The following NOS1 variants were observed in gnomAD, a reference collection of about 807,000 sequenced individuals.
The protein encoded by NOS1 is NOS type I.
A neutral mutation model predicts 164.5 loss-of-function variants in NOS1; 51 were observed. That is an observed-to-expected ratio of 0.31 (90% CI 0.25 to 0.39). The LOEUF (loss-of-function observed/expected upper bound fraction) is 0.39. NOS1 is among the 10% of genes least tolerant of loss of function. The pLI is 1.00. For synonymous variants in NOS1, 719 were observed against 745.8 expected, an observed-to-expected ratio of 0.96 and a Z score of 0.59; for missense variants, 1,362 against 1,885.6, an observed-to-expected ratio of 0.72 and a Z score of 5.14.
At chr12:117,307,542 T>C (rs953209079) in intron 3 of NOS1, among the ~76,000 whole-genome samples, 2 of 151,406 alleles carry the variant, frequency 1.3e-5, no homozygotes, top group African/African-American at 2.4e-5. Context: ...TTATACTCTC[T>C]TTTTTGTAGA....
intron 9 of NOS1, among the ~76,000 whole-genome samples, chr12:117,276,697 ATT>A (rs1422853629): frequency 6.7e-6 from 1 of 149,546 alleles, no homozygotes; most frequent in Non-Finnish European, 1.5e-5. Flanking sequence ...TATTGTTTTC[ATT>A]TTTAGATCCT....
At chr12:117,360,839 G>T (rs577744393) in intron 1 of NOS1, among the ~76,000 whole-genome samples, 1 of 152,146 alleles carries the variant, frequency 6.6e-6, no homozygotes, top group South Asian at 2.1e-4. Context: ...CCCGCGGGAG[G>T]GTAGCGAGCT....
intron 24 of NOS1, among the ~76,000 whole-genome samples, chr12:117,226,060 CTA>C (rs372068425): frequency 1.3e-5 from 2 of 152,150 alleles, no homozygotes; most frequent in African/African-American, 4.8e-5. Flanking sequence ...GCTCAGGACT[CTA>C]TGTTTGAAAC....
intron 9 of NOS1, among the ~76,000 whole-genome samples, chr12:117,276,976 A>G (rs1873237071): frequency 6.6e-6 from 1 of 152,114 alleles, no homozygotes; most frequent in Admixed American, 6.5e-5. Context: ...CGATATACTG[A>G]TTTCCCTTCT....
chr12:117,355,355 A>T (rs1876808941), intron 1 of NOS1, among the ~76,000 whole-genome samples: 2 of 152,208 alleles, frequency 1.3e-5, no homozygotes, highest in African/African-American at 4.8e-5. Flanking sequence ...TCATAAATGC[A>T]ATTGATGGAT....
intron 13 of NOS1, among the ~76,000 whole-genome samples, chr12:117,263,480 C>T (rs1217053951): frequency 6.6e-6 from 1 of 151,034 alleles, no homozygotes; most frequent in African/African-American, 2.4e-5. Context: ...GGGAACAGAC[C>T]CTATCTCAAA....
At chr12:117,236,708 C>A (rs1343185852) in intron 20 of NOS1, among the ~76,000 whole-genome samples, 3 of 152,194 alleles carry the variant, frequency 2.0e-5, no homozygotes. Context: ...CTAAGTCTAC[C>A]CAAAGGAAGC....
chr12:117,360,049 G>A (rs1169757649), intron 1 of NOS1, among the ~76,000 whole-genome samples: 1 of 150,414 alleles, frequency 6.6e-6, no homozygotes, highest in East Asian at 2.0e-4. Context: ...TTTTACAGAT[G>A]AGAAACTGAG....
chr12:117,225,405 C>T (rs780604031), intron 24 of NOS1, among the ~76,000 whole-genome samples: 6 of 152,246 alleles, frequency 3.9e-5, no homozygotes, highest in African/African-American at 9.6e-5. Flanking sequence ...GGTATCTCTA[C>T]GCTGGCACCC....
chr12:117,247,568 AT>A (rs1314005408), intron 17 of NOS1, 46 bp from the exon 18 acceptor site: 1 of 1,546,160 alleles, frequency 6.5e-7, no homozygotes, highest in African/African-American at 1.4e-5. Flanking sequence ...ACTGTGGGGA[AT>A]GTGGGGAGTG....
intron 26 of NOS1, 34 bp from the exon 27 acceptor site, chr12:117,220,303 G>T (rs1453131329): frequency 6.4e-7 from 1 of 1,563,930 alleles, no homozygotes; most frequent in South Asian, 1.2e-5. Context: ...GAAGGGGCTG[G>T]GCTGTGCAAC....
In NOS1 at chr12:117,212,958, T is replaced by A; in HGVS notation, c.*2351A>T. On this transcript the variant is annotated 3_prime_UTR_variant, in exon 29 of 29. Coordinates refer to ENST00000317775, the MANE Select transcript of NOS1 (RefSeq NM_000620.5). The stretch of plus-strand genomic sequence containing the variant: ...GCAGCTTGTGTTGGGGATTGAAAGG[T>A]GTTTACTTAAAAAAAAATCTTTCTG... 1.0e-6 allele frequency: 1 copy of A among 985,192 alleles called. No individual in the cohort carries two copies. 61.0% of individuals were successfully genotyped at this position (985,192 alleles called of 1,614,324 possible).
chr12:117,264,512 CCCTTCCTTCCTTT>C (rs1205715995), intron 12 of NOS1, among the ~76,000 whole-genome samples: 1 of 147,972 alleles, frequency 6.8e-6, no homozygotes, highest in African/African-American at 2.5e-5. Flanking sequence ...CTCTCTCTCT[CCCTTCCTTCCTTT>C]CCTTCCTTCC....
At position 117,224,606 on chromosome 12, in the gene NOS1, T is replaced by G. The variant is rs571382140; in HGVS notation, c.3826+410A>C. ...GGCCAATAAATCCTTGTTTAACGCA[T>G]GCCACAATTTGGGTTTCTTTCTCTC... On this transcript the variant is annotated intron_variant, in intron 25 of 28. Transcript: ENST00000317775. Among the ~76,000 whole-genome samples the G allele has an allele frequency of 3.9e-5, 6 of 152,348 alleles. No individual in the cohort carries two copies. In the East Asian group the frequency reaches 9.6e-4, roughly 24 times the overall value.
chr12:117,330,468 T>C lies in NOS1; in HGVS notation c.602A>G (p.Glu201Gly). ...TATCTCCTTGAGCAGTTCATTGTTC[T>C]CCCCTCTGCCTTGGAGGCTGACTCT... ...ATRVSLQGRG[E>G]NNELLKEIEP... The change falls in exon 2 of 29, where the codon GAG becomes GGG. Residue 201 changes from glutamate to glycine, a missense_variant. Around this residue, in one of 4 missense-constraint regions of NOS1, gnomAD observed 362 missense variants for 402.0 expected, o/e 0.90. Coordinates refer to ENST00000317775, the MANE Select transcript of NOS1 (RefSeq NM_000620.5). The surrounding 1 kb of genome is among the most constrained non-coding windows in gnomAD (Gnocchi z 4.6). 1 of 1,614,200 alleles carries C rather than the reference T, an allele frequency of 6.2e-7. No homozygotes were observed. The highest frequency in any genetic ancestry group is 8.5e-7 in the Non-Finnish European group (1 of 1,180,032).
chr12:117,344,387 C>T (rs968183195), intron 1 of NOS1, among the ~76,000 whole-genome samples: 3 of 152,128 alleles, frequency 2.0e-5, no homozygotes, highest in East Asian at 1.9e-4. Context: ...TTTTCAATTT[C>T]GTACAGTTCA....
intron 27 of NOS1, among the ~76,000 whole-genome samples, chr12:117,218,979 TG>T (rs1191662624): frequency 6.7e-6 from 1 of 150,056 alleles, no homozygotes; most frequent in African/African-American, 2.5e-5. Flanking sequence ...TGGGGTTAGT[TG>T]TTTTTTTTTT....
chr12:117,348,226 T>A (rs1876447160), intron 1 of NOS1: 1 of 152,014 alleles, frequency 6.6e-6, no homozygotes, highest in Non-Finnish European at 1.5e-5. Flanking sequence ...GAGAACGGTG[T>A]CACCTTCAAC....
At chr12:117,332,717 T>C (rs1456164386) in intron 1 of NOS1, among the ~76,000 whole-genome samples, 1 of 152,044 alleles carries the variant, frequency 6.6e-6, no homozygotes, top group Non-Finnish European at 1.5e-5. Flanking sequence ...ATACAAAAAT[T>C]AGCCGGGTGT....
Sources: gnomAD v4.1 joint callset for allele counts (sites outside exome capture counted in the v4.1 genomes callset) on GRCh38, gnomAD v4.1.1 for gene constraint, gnomAD v4.1.1 regional missense constraint, Gnocchi (gnomAD v3.1) non-coding constraint, MANE v1.5 for transcripts, NCBI Gene and HGNC (gene_info 2026-07-23, HGNC 2026-07-21) for gene names.